Variants in NEBL observed in about 807,000 individuals in gnomAD.
NEBL encodes LIM and SH3 protein 2.
Under a neutral mutation model 140.2 loss-of-function variants are expected in NEBL, and 122 were observed. The observed-to-expected ratio is 0.87, with a 90% CI of 0.75 to 1.01. The LOEUF (loss-of-function observed/expected upper bound fraction) is 1.01. Ranked by LOEUF, NEBL falls within the 50% of genes least tolerant of loss-of-function variation. The pLI is 0.00. For synonymous variants in NEBL, 436 were observed against 398.9 expected (o/e 1.09, Z -1.11); for missense variants, 1,365 against 1,231.3 (o/e 1.11, Z -1.62).
At chr10:21,022,057 T>C (rs999350358) in intron 2 of NEBL, among the ~76,000 whole-genome samples, 1 of 152,170 alleles carries the variant, frequency 6.6e-6, no homozygotes, top group African/African-American at 2.4e-5. Context: ...TTCCTCCCTG[T>C]GTGCAGGTAA....
chr10:21,170,178 T>C lies in NEBL; in HGVS notation c.164+2205A>G, dbSNP rs146751430. ...TTCTGTCCTTTTATTTTTGATCATT[T>C]CTTTTTCTCCCTTATCCAATTCTCT... is the stretch of plus-strand genomic sequence containing the variant. On this transcript the variant is annotated intron_variant, in intron 2 of 6. Transcript: ENST00000417816. 5.3e-5 allele frequency: 8 copies of C among 152,354 alleles called. No homozygotes were observed. The East Asian group carries it at 1.5e-3, about 29-fold the overall frequency. The allele number at this position is 152,354 out of a possible 1,614,324, so 9.4% of individuals were successfully genotyped here.
chr10:21,047,821 T>A (rs1348343476), intron 2 of NEBL, among the ~76,000 whole-genome samples: 1 of 152,206 alleles, frequency 6.6e-6, no homozygotes, highest in Admixed American at 6.5e-5. Flanking sequence ...AACCGGAATC[T>A]TCCCCGCATG....
intron 3 of NEBL, among the ~76,000 whole-genome samples, chr10:21,013,217 C>G (rs1419858027): frequency 3.9e-5 from 6 of 152,122 alleles, no homozygotes; most frequent in Non-Finnish European, 5.9e-5. Context: ...ATTCATATGT[C>G]CCCTTTGAAG....
In NEBL at chr10:21,228,347, G is replaced by A. The variant is rs535512865; in HGVS notation, n.348+19574C>T. ...TTTTAAACTTTTTTATAGAAATGGG[G>A]TCTCACTTTTTGCCCAGGCTGGTCT... On this transcript the variant is annotated intron_variant and non_coding_transcript_variant, in intron 3 of 8. Transcript: ENST00000675702. 3.3e-5 allele frequency among the ~76,000 whole-genome samples: 5 copies of A among 152,088 alleles called. No individual in the cohort carries two copies. The South Asian group carries it at 1.0e-3, about 32-fold the overall frequency.
chr10:21,097,707 C>T (rs1837257179), intron 2 of NEBL, among the ~76,000 whole-genome samples: 5 of 152,240 alleles, frequency 3.3e-5, no homozygotes, highest in African/African-American at 1.2e-4. Context: ...AGATAAGTCT[C>T]GGTCAATTTC....
chr10:20,793,667 C>A lies in NEBL; in HGVS notation c.2762-6359G>T, dbSNP rs562811032. 2.0e-5 allele frequency among the ~76,000 whole-genome samples: 3 copies of A among 152,130 alleles called. No homozygotes were observed. In the South Asian group the frequency reaches 6.2e-4, roughly 32 times the overall value. ...CTCCCAGGCTCAAGCGATCCTCCCA[C>A]CACAGCCTCCCAAGTAGCTGGGACT... On this transcript the variant is annotated intron_variant, in intron 26 of 27. Transcript: ENST00000377122.
intron 3 of NEBL, among the ~76,000 whole-genome samples, chr10:21,237,677 G>C (rs956299897): frequency 6.6e-6 from 1 of 150,418 alleles, no homozygotes; most frequent in African/African-American, 2.4e-5. Flanking sequence ...CACCATGTCA[G>C]CTCACTGCAA....
At chr10:20,802,113 C>T (rs558474512) in intron 26 of NEBL, among the ~76,000 whole-genome samples, 9 of 152,284 alleles carry the variant, frequency 5.9e-5, no homozygotes, top group African/African-American at 2.2e-4. Context: ...CAAATCAAGG[C>T]AGGTAAACAC....
chr10:21,207,020 C>A (rs1389976214), intron 3 of NEBL, among the ~76,000 whole-genome samples: 2 of 129,992 alleles, frequency 1.5e-5, no homozygotes, highest in East Asian at 4.4e-4. Context: ...ATAGCCCAGG[C>A]TAGAGTGCAG....
intron 3 of NEBL, among the ~76,000 whole-genome samples, chr10:20,962,920 T>C (rs1466976433): frequency 1.3e-5 from 2 of 152,010 alleles, no homozygotes; most frequent in Non-Finnish European, 2.9e-5. Context: ...ATCATGTCTG[T>C]ATTTAAATAC....
rs183549250 is a variant in NEBL at position 20,994,891 on chromosome 10, G to A, written c.249+25226C>T. ...CTGAGGAGGAGGAGGTAGAGGGGGGGGTTGGTCTTGCTGTCTCAGGAGTGG... is the reference window on the plus strand; with the variant it reads ...CTGAGGAGGAGGAGGTAGAGGGGGGAGTTGGTCTTGCTGTCTCAGGAGTGG... On this transcript the variant is annotated intron_variant, in intron 3 of 6. Coordinates refer to the NEBL transcript ENST00000417816. 9.7e-4 allele frequency among the ~76,000 whole-genome samples: 147 copies of A among 152,196 alleles called. 1 individual carries two copies. The highest frequency in any genetic ancestry group is 3.0e-3 in the African/African-American group (123 of 41,500).
At chr10:20,972,977 G>A (rs560054895) in intron 3 of NEBL, among the ~76,000 whole-genome samples, 102 of 152,094 alleles carry the variant, frequency 6.7e-4, no homozygotes, top group Non-Finnish European at 6.2e-4. Flanking sequence ...ACTAATTCAC[G>A]TCTTCCATAA....
chr10:20,995,853 G>A (rs1837645890), intron 3 of NEBL, among the ~76,000 whole-genome samples: 1 of 151,968 alleles, frequency 6.6e-6, no homozygotes, highest in African/African-American at 2.4e-5. Flanking sequence ...GCTAGATGTT[G>A]TGAGCAGCAA....
In NEBL at chr10:20,823,254, G is replaced by T; in HGVS notation, c.1916C>A (p.Pro639His). The change falls in exon 19 of 28, where the codon CCT (proline) becomes CAT (histidine). Residue 639 changes from proline (P) to histidine (H), a missense_variant. Physicochemically the swap from Pro to His is moderately conservative, Grantham distance 77. Transcript: ENST00000377122. ...EIKHATAISD[P>H]PELKRVKENQ... ...TTCTTTAACTCTCTTTAGTTCTGGA[G>T]GATCAGAAATGGCTGTTGCATGTTT... 6.2e-7 allele frequency: 1 copy of T among 1,609,656 alleles called. No homozygotes were observed.
chr10:21,111,923 G>A (rs1838030659), intron 2 of NEBL, among the ~76,000 whole-genome samples: 1 of 152,160 alleles, frequency 6.6e-6, no homozygotes, highest in South Asian at 2.1e-4. Flanking sequence ...ATCAAAAAGT[G>A]GGAAAGGATA....
At chr10:20,967,473 C>T (rs905312114) in intron 3 of NEBL, among the ~76,000 whole-genome samples, 2 of 152,094 alleles carry the variant, frequency 1.3e-5, no homozygotes, top group Non-Finnish European at 2.9e-5. Context: ...ACTCAAAATA[C>T]AAAAATTAGC....
chr10:20,819,622 A>G (rs1839086573), intron 19 of NEBL, 106 bp from the exon 20 acceptor site: 1 of 1,335,250 alleles, frequency 7.5e-7, no homozygotes. Flanking sequence ...AACATTCATT[A>G]ATAAGATCAT....
intron 1 of NEBL, among the ~76,000 whole-genome samples, chr10:21,269,760 G>C (rs912703369): frequency 1.5e-4 from 23 of 152,192 alleles, no homozygotes; most frequent in African/African-American, 5.5e-4. Context: ...TATATAGTGA[G>C]AGTAAATGCC....
intron 2 of NEBL, among the ~76,000 whole-genome samples, chr10:21,085,944 C>A (rs1043124777): frequency 1.3e-5 from 2 of 151,732 alleles, no homozygotes; most frequent in Non-Finnish European, 2.9e-5. Context: ...TGGAAATCTG[C>A]ATTTTTTTCA....
Sources: allele counts gnomAD v4.1 joint callset (sites outside exome capture counted in the v4.1 genomes callset), GRCh38; gene constraint gnomAD v4.1.1; transcripts MANE v1.5; gene names NCBI Gene and HGNC (gene_info 2026-07-23, HGNC 2026-07-21).